The following C12orf76 variants were observed in gnomAD, a reference collection of about 807,000 sequenced individuals.
C12orf76 encodes the protein chromosome 12 open reading frame 76, also known as uncharacterized protein C12orf76.
In C12orf76, 6 loss-of-function variants were observed where a neutral mutation model predicts 6.8. The ratio of observed to expected loss-of-function variants is 0.88; its 90% CI spans 0.48 to 1.73. The LOEUF (loss-of-function observed/expected upper bound fraction) is 1.73. Ranked by LOEUF, C12orf76 falls within the 40% of genes most tolerant of loss-of-function variation. The pLI, the probability that C12orf76 is intolerant of heterozygous loss-of-function variation, is 0.01. For synonymous variants in C12orf76, 56 were observed against 43.7 expected, an observed-to-expected ratio of 1.28 and a Z score of -1.11; for missense variants, 99 against 98.2, an observed-to-expected ratio of 1.01 and a Z score of -0.03.
At chr12:110,060,811 G>A (rs1486233252) in intron 2 of C12orf76, among the ~76,000 whole-genome samples, 2 of 151,962 alleles carry the variant, frequency 1.3e-5, no homozygotes, top group African/African-American at 2.4e-5. Context: ...TGAGGTGGGC[G>A]GATCACCTGA....
rs1892329709 is a variant in C12orf76, at chr12:110,042,103, T to C, written c.*271A>G. On this transcript the variant is annotated 3_prime_UTR_variant, in exon 2 of 2. Transcript: ENST00000615315. ...TTCTTTCTCATGAACACTCCATCTT[T>C]ACACTGACCTTTGGAGCTTTCAGGT... The C allele has an allele frequency of 1.9e-6, 1 of 513,182 alleles. No individual in the cohort carries two copies. The highest frequency in any genetic ancestry group is 3.2e-5 in the East Asian group (1 of 31,582). 31.8% of individuals were successfully genotyped at this position (513,182 alleles called of 1,614,324 possible).
At chr12:110,068,315 AGAAGAAGAAGAAGAAGGC>A (rs557230692), upstream of C12orf76, among the ~76,000 whole-genome samples, 611 of 144,720 alleles carry the variant, frequency 4.2e-3, 10 homozygotes, top group Non-Finnish European at 6.5e-3. Flanking sequence ...AAGAAGAAGA[AGAAGAAGAAGAAGAAGGC>A]GGCCAAATAG....
upstream of C12orf76, among the ~76,000 whole-genome samples, chr12:110,068,232 GAGAAGAAGAAGAAGAA>G (rs1271266804): frequency 9.4e-5 from 13 of 138,192 alleles, no homozygotes; most frequent in African/African-American, 3.4e-4. Flanking sequence ...AGAAGGAGAA[GAGAAGAAGAAGAAGAA>G]AGAAGAAGAA....
At chr12:110,059,279 G>C in intron 2 of C12orf76, 3 of 1,258,974 alleles carry the variant, frequency 2.4e-6, no homozygotes, top group African/African-American at 1.5e-5. Context: ...TGAATTCTTC[G>C]GGATTCTCCA....
chr12:110,043,538 AAAG>A (rs1279072737), intron 1 of C12orf76, among the ~76,000 whole-genome samples: 1 of 152,188 alleles, frequency 6.6e-6, no homozygotes, highest in Non-Finnish European at 1.5e-5. Context: ...CCTTTTGAGC[AAAG>A]AAGCAACTAA....
At chr12:110,068,254 AAGAAG>A (rs1447016532), upstream of C12orf76, among the ~76,000 whole-genome samples, 1 of 42,596 alleles carries the variant, frequency 2.3e-5, no homozygotes, top group African/African-American at 1.0e-4. Flanking sequence ...AAGAAAGAAG[AAGAAG>A]AAGAAGAAGA....
chr12:110,066,366 C>T (rs10849697), intron 1 of C12orf76, among the ~76,000 whole-genome samples: 2 of 60,044 alleles, frequency 3.3e-5, no homozygotes, highest in African/African-American at 1.9e-4. Flanking sequence ...AAGACTCCAT[C>T]TAAAAAAAAA....
upstream of C12orf76, among the ~76,000 whole-genome samples, chr12:110,068,313 G>GAAGAAGAAGAAGAAGAAGAAGAAA (rs1566080246): frequency 4.3e-4 from 62 of 145,878 alleles, no homozygotes; most frequent in African/African-American, 1.5e-3. Flanking sequence ...AGAAGAAGAA[G>GAAGAAGAAGAAGAAGAAGAAGAAA]AAGAAGAAGA....
chr12:110,068,259 G>GAAGAA (rs1555253384), upstream of C12orf76, among the ~76,000 whole-genome samples: 97 of 86,370 alleles, frequency 1.1e-3, 2 homozygotes, highest in Admixed American at 1.5e-3. Flanking sequence ...AGAAGAAGAA[G>GAAGAA]AAGAAGAAGA....
chr12:110,048,736 G>A (rs1892520148), upstream of C12orf76: 1 of 1,104,698 alleles, frequency 9.1e-7, no homozygotes, highest in African/African-American at 1.6e-5. Flanking sequence ...CTGTGCCAAC[G>A]TTCGCCGCGA....
At chr12:110,059,168 T>C (rs1372392365) in intron 2 of C12orf76, 14 of 1,538,102 alleles carry the variant, frequency 9.1e-6, no homozygotes, top group African/African-American at 1.4e-5. Context: ...TCCTTGCTGG[T>C]GTAAAAAAAA....
upstream of C12orf76, among the ~76,000 whole-genome samples, chr12:110,068,313 G>GAAGAAGAAGAAGAAGAAGAAA (rs1566080246): frequency 7.5e-4 from 109 of 145,876 alleles, 2 homozygotes; most frequent in Middle Eastern, 3.5e-3. Flanking sequence ...AGAAGAAGAA[G>GAAGAAGAAGAAGAAGAAGAAA]AAGAAGAAGA....
At chr12:110,068,250 GA>G (rs1566080005), upstream of C12orf76, among the ~76,000 whole-genome samples, 1 of 26,534 alleles carries the variant, frequency 3.8e-5, no homozygotes, top group Non-Finnish European at 7.5e-5. Flanking sequence ...GAAGAAGAAA[GA>G]AGAAGAAGAA....
At chr12:110,057,028 G>A in intron 4 of C12orf76, 1 of 618,442 alleles carries the variant, frequency 1.6e-6, no homozygotes, top group Non-Finnish European at 2.9e-6. Flanking sequence ...AGGAGCCCTG[G>A]AGTGGCAGGG....
exon 4 of C12orf76, chr12:110,057,291 C>G (rs1342301168): frequency 1.2e-6 from 2 of 1,610,138 alleles, no homozygotes; most frequent in South Asian, 2.2e-5. Flanking sequence ...CTCCCCCTTA[C>G]AGCTCCTAAG....
upstream of C12orf76, among the ~76,000 whole-genome samples, chr12:110,069,895 A>C (rs1892939789): frequency 6.6e-6 from 1 of 152,198 alleles, no homozygotes; most frequent in Non-Finnish European, 1.5e-5. Context: ...GTGAAAGAAA[A>C]ATATTCATCA....
At chr12:110,065,138 ATG>A (rs890726205) in intron 2 of C12orf76, among the ~76,000 whole-genome samples, 23 of 150,910 alleles carry the variant, frequency 1.5e-4, no homozygotes, top group South Asian at 1.3e-3. Context: ...GTATACATAT[ATG>A]TGTGTGTGTG....
chr12:110,068,321 AGAAGAAGAAGGC>A (rs1409111847), upstream of C12orf76, among the ~76,000 whole-genome samples: 1,276 of 140,714 alleles, frequency 9.1e-3, 36 homozygotes, highest in Middle Eastern at 0.015. Context: ...AAGAAGAAGA[AGAAGAAGAAGGC>A]GGCCAAATAG....
Position 110,048,353 on chromosome 12 carries a change from G to C in C12orf76, c.133+10C>G. 6.7e-7 allele frequency: 1 copy of C among 1,495,850 alleles called. No homozygotes were observed. The highest frequency in any genetic ancestry group is 1.4e-5 in the African/African-American group (1 of 70,016). The allele number at this position is 1,495,850 out of a possible 1,614,324, so 92.7% of individuals were successfully genotyped here. On this transcript the variant is annotated intron_variant, in intron 1 of 1. Transcript: ENST00000615315. Reference sequence around the variant, plus strand: ...ACTACCCGCCGCCCGCCAGCCCGAGGGCCGCTCACCCAGGTTCTGCCCTCG... The same window carrying C: ...ACTACCCGCCGCCCGCCAGCCCGAGCGCCGCTCACCCAGGTTCTGCCCTCG...
Sources: allele counts gnomAD v4.1 joint callset (sites outside exome capture counted in the v4.1 genomes callset), GRCh38; gene constraint gnomAD v4.1.1; transcripts MANE v1.5; gene names NCBI Gene and HGNC (gene_info 2026-07-23, HGNC 2026-07-21).